The following CDKL4 variants were observed in gnomAD, a reference collection of about 807,000 sequenced individuals.
The protein encoded by CDKL4 is cyclin-dependent kinase-like 4.
A neutral mutation model predicts 42.0 loss-of-function variants in CDKL4; 44 were observed. That is an observed-to-expected ratio of 1.05 (90% CI 0.82 to 1.35). CDKL4 has a LOEUF of 1.35. Ranked by LOEUF, CDKL4 falls within the 40% of genes most tolerant of loss-of-function variation. The probability of loss-of-function intolerance (pLI) is 0.00; values close to 1 mark genes in which losing one functional copy is unlikely to be tolerated. For synonymous variants in CDKL4, 120 were observed against 121.6 expected (o/e 0.99, Z 0.09); for missense variants, 393 against 369.9 (o/e 1.06, Z -0.51).
At chr2:39,173,909 G>A (rs1311097886), downstream of CDKL4, among the ~76,000 whole-genome samples, 1 of 151,942 alleles carries the variant, frequency 6.6e-6, no homozygotes, top group Non-Finnish European at 1.5e-5. Context: ...CTTGAGCCCA[G>A]GAGGTCGAGG....
At chr2:39,203,551 AT>A (rs1558561513) in intron 5 of CDKL4, among the ~76,000 whole-genome samples, 1 of 152,018 alleles carries the variant, frequency 6.6e-6, no homozygotes, top group Non-Finnish European at 1.5e-5. Context: ...TATTTCAGTA[AT>A]TTTTTTCTAT....
chr2:39,225,751 G>A (rs746748533), intron 3 of CDKL4, 88 bp downstream of exon 3: 19 of 1,319,684 alleles, frequency 1.4e-5, no homozygotes, highest in African/African-American at 3.0e-5. Flanking sequence ...GGGAATTGTG[G>A]CTGGGATTTG....
downstream of CDKL4, among the ~76,000 whole-genome samples, chr2:39,172,813 C>T (rs576089232): frequency 6.6e-6 from 1 of 152,250 alleles, no homozygotes; most frequent in South Asian, 2.1e-4. Flanking sequence ...AACTCCTGAC[C>T]TCAGGTGATC....
At chr2:39,170,128 T>C in the CDKL4 span, among the ~76,000 whole-genome samples, 2 of 151,686 alleles carry the variant, frequency 1.3e-5, no homozygotes, top group East Asian at 3.9e-4. Context: ...CCTCCCAAAG[T>C]GCTAAGATTA....
chr2:39,178,821 G>A (rs1288460774), intron 9 of CDKL4: 1 of 1,538,654 alleles, frequency 6.5e-7, no homozygotes, highest in Admixed American at 2.1e-5. Flanking sequence ...GCTACAGAAA[G>A]GCACTTGGAT....
chr2:39,205,553 G>A (rs1013139674), intron 4 of CDKL4, among the ~76,000 whole-genome samples: 4 of 151,910 alleles, frequency 2.6e-5, no homozygotes, highest in Non-Finnish European at 1.5e-5. Context: ...GCGGTCAGGA[G>A]ATAGAGACCA....
chr2:39,229,788 T>C (rs895125903), intron 1 of CDKL4, among the ~76,000 whole-genome samples, 200 bp from the exon 2 acceptor site: 1 of 152,262 alleles, frequency 6.6e-6, no homozygotes, highest in African/African-American at 2.4e-5. Context: ...TTTCATATGC[T>C]ATTTCTGACA....
chr2:39,220,157 G>A (rs1678214969), intron 3 of CDKL4, among the ~76,000 whole-genome samples: 1 of 152,200 alleles, frequency 6.6e-6, no homozygotes, highest in South Asian at 2.1e-4. Flanking sequence ...GAATTGGAAT[G>A]TGACACTTGA....
chr2:39,204,478 A>G, intron 5 of CDKL4, 49 bp downstream of exon 5: 1 of 1,031,116 alleles, frequency 9.7e-7, no homozygotes, highest in South Asian at 1.3e-5. Context: ...AAACTATGTC[A>G]TTTTATCATC....
chr2:39,222,425 A>G (rs1343726132), intron 3 of CDKL4, among the ~76,000 whole-genome samples: 1 of 152,056 alleles, frequency 6.6e-6, no homozygotes, highest in Admixed American at 6.6e-5. Context: ...CCCTGTGTCT[A>G]CTAAAAATAC....
the CDKL4 span, among the ~76,000 whole-genome samples, chr2:39,170,109 C>G: frequency 3.3e-5 from 5 of 152,004 alleles, no homozygotes; most frequent in African/African-American, 1.2e-4. Context: ...AGCAATTCAC[C>G]TGCCTCGGCC....
intron 5 of CDKL4, among the ~76,000 whole-genome samples, chr2:39,191,584 T>A (rs1462813175): frequency 6.6e-6 from 1 of 152,212 alleles, no homozygotes; most frequent in Non-Finnish European, 1.5e-5. Flanking sequence ...AGGAAACTAA[T>A]GCAGCACTAG....
intron 1 of CDKL4, among the ~76,000 whole-genome samples, chr2:39,235,875 AAAG>A (rs1488747043): frequency 1.3e-5 from 2 of 152,084 alleles, no homozygotes; most frequent in Non-Finnish European, 2.9e-5. Flanking sequence ...AGGAAGTAGG[AAAG>A]AAGAAGAAAG....
chr2:39,234,239 A>G (rs1679241570), intron 1 of CDKL4, among the ~76,000 whole-genome samples: 1 of 152,024 alleles, frequency 6.6e-6, no homozygotes, highest in Admixed American at 6.6e-5. Context: ...TCTTTTGGCT[A>G]TTGATGTGTA....
intron 4 of CDKL4, 120 bp from the exon 5 acceptor site, chr2:39,204,737 T>C (rs905205062): frequency 4.2e-6 from 2 of 477,276 alleles, no homozygotes; most frequent in Non-Finnish European, 7.2e-6. Context: ...TGGGCTTCCT[T>C]CACTTTTCTA....
intron 6 of CDKL4, among the ~76,000 whole-genome samples, 196 bp from the exon 7 acceptor site, chr2:39,187,905 T>C (rs1675925630): frequency 6.6e-6 from 1 of 151,918 alleles, no homozygotes; most frequent in African/African-American, 2.4e-5. Flanking sequence ...CCGTCTCTAC[T>C]AAAAATACAA....
intron 1 of CDKL4, among the ~76,000 whole-genome samples, chr2:39,230,098 G>A (rs1174629617): frequency 6.6e-6 from 1 of 152,204 alleles, no homozygotes; most frequent in Non-Finnish European, 1.5e-5. Context: ...AACAATAACA[G>A]GCCAGGCACA....
Position 39,176,102 on chromosome 2 carries a change from A to T in CDKL4, c.928-6T>A. On this transcript the variant is annotated splice_region_variant and splice_polypyrimidine_tract_variant and intron_variant, in intron 9 of 9. Transcript: ENST00000451199. ...ATGAGAGGCAACAGTTGATTCTAAT[A>T]GCAGAACAAGACAACAATAAGAAAG... 2.1e-6 allele frequency: 1 copy of T among 466,376 alleles called. No homozygotes were observed. Among genetic ancestry groups the T allele is most frequent in the South Asian group, 1.6e-5 (1 of 63,112 alleles). The allele number at this position is 466,376 out of a possible 1,614,324, so 28.9% of individuals were successfully genotyped here.
At chr2:39,188,812 C>T (rs1156264715) in intron 6 of CDKL4, among the ~76,000 whole-genome samples, 2 of 152,020 alleles carry the variant, frequency 1.3e-5, no homozygotes, top group Non-Finnish European at 2.9e-5. Context: ...ACCTTAGCCT[C>T]CCGAGTAGCT....
Sources: gnomAD v4.1 joint callset for allele counts (sites outside exome capture counted in the v4.1 genomes callset) on GRCh38, gnomAD v4.1.1 for gene constraint, MANE v1.5 for transcripts, NCBI Gene and HGNC (gene_info 2026-07-23, HGNC 2026-07-21) for gene names.